Variants in PREX1 observed in about 807,000 individuals in gnomAD.
PREX1 encodes phosphatidylinositol-3,4,5-trisphosphate dependent Rac exchange factor 1, also known as phosphatidylinositol 3,4,5-trisphosphate-dependent Rac exchanger 1 protein.
In PREX1, 41 loss-of-function variants were observed where a neutral mutation model predicts 198.3. The ratio of observed to expected loss-of-function variants is 0.21; its 90% CI spans 0.16 to 0.27. PREX1 has a LOEUF of 0.27. PREX1 is among the 10% of genes least tolerant of loss of function. PREX1 has a pLI of 1.00. For missense variants in PREX1, 1,620 were observed against 2,200.7 expected (o/e 0.74, Z 5.28); for synonymous variants, 843 against 887.2 (o/e 0.95, Z 0.89).
chr20:48,714,565 A>T (rs1210327520), intron 5 of PREX1, among the ~76,000 whole-genome samples: 1 of 152,218 alleles, frequency 6.6e-6, no homozygotes, highest in East Asian at 1.9e-4. Context: ...ATGAGATACC[A>T]CTTCACATCT....
At chr20:48,880,206 A>C in the PREX1 span, among the ~76,000 whole-genome samples, 1 of 152,248 alleles carries the variant, frequency 6.6e-6, no homozygotes, top group Non-Finnish European at 1.5e-5. Flanking sequence ...CTCTAAGTCC[A>C]CAAAGGACTC....
At chr20:48,634,169 T>C (rs923106744) in intron 33 of PREX1, among the ~76,000 whole-genome samples, 6 of 72,102 alleles carry the variant, frequency 8.3e-5, no homozygotes, top group Non-Finnish European at 1.9e-4. Context: ...GATGGATGGA[T>C]GGATGCATGG....
At chr20:48,741,898 T>A (rs73911665) in intron 3 of PREX1, among the ~76,000 whole-genome samples, 2,410 of 152,268 alleles carry the variant, frequency 0.016, 58 homozygotes, top group African/African-American at 0.055. Context: ...TCCGTGTGGC[T>A]AGAGCCAGGG....
At chr20:48,791,939 G>T (rs2090340715) in intron 1 of PREX1, among the ~76,000 whole-genome samples, 2 of 152,222 alleles carry the variant, frequency 1.3e-5, no homozygotes, top group African/African-American at 4.8e-5. Flanking sequence ...TCCCGCACGG[G>T]GACTGCTGCC....
chr20:48,728,426 T>C (rs1175631739), intron 4 of PREX1, among the ~76,000 whole-genome samples: 1 of 152,250 alleles, frequency 6.6e-6, no homozygotes, highest in Non-Finnish European at 1.5e-5. Context: ...CTACTTCCAC[T>C]GCCTCTTAGG....
In PREX1 at chr20:48,805,197, T is replaced by C. The variant is rs555872849; in HGVS notation, c.219+22445A>G. Reference sequence around the variant, plus strand: ...GCAGCAGGACATCAACTCCTTGTTCTAGAACAGCTTGCTATGGACAATGGA... The same window carrying C: ...GCAGCAGGACATCAACTCCTTGTTCCAGAACAGCTTGCTATGGACAATGGA... On this transcript the variant is annotated intron_variant, in intron 1 of 39. Coordinates refer to ENST00000371941, the MANE Select transcript of PREX1 (RefSeq NM_020820.4). Among the ~76,000 whole-genome samples, 14 of 152,342 alleles carry C rather than the reference T, an allele frequency of 9.2e-5. No individual in the cohort carries two copies. In the South Asian group the frequency reaches 2.7e-3, roughly 29 times the overall value.
upstream of PREX1, among the ~76,000 whole-genome samples, chr20:48,829,753 G>A (rs1440881715): frequency 2.0e-5 from 3 of 152,134 alleles, no homozygotes; most frequent in African/African-American, 7.2e-5. Context: ...TACCACGAGG[G>A]GAGAACATGG....
intron 5 of PREX1, among the ~76,000 whole-genome samples, chr20:48,712,360 C>T (rs2089935781): frequency 6.6e-6 from 1 of 152,194 alleles, no homozygotes; most frequent in African/African-American, 2.4e-5. Context: ...ATTCTCCAGC[C>T]TGAGGCCCTG....
chr20:48,829,471 T>C (rs1223027192), upstream of PREX1, among the ~76,000 whole-genome samples: 3 of 152,170 alleles, frequency 2.0e-5, no homozygotes, highest in Non-Finnish European at 4.4e-5. Context: ...GCTTCTGCCC[T>C]CTCTGACTTC....
chr20:48,631,836 C>T (rs1222425604), intron 35 of PREX1, among the ~76,000 whole-genome samples: 1 of 152,100 alleles, frequency 6.6e-6, no homozygotes, highest in Admixed American at 6.5e-5. Context: ...CTCCTGCTCT[C>T]ACCCCTCCTC....
chr20:48,799,528 G>GT (rs1555846519), intron 1 of PREX1, among the ~76,000 whole-genome samples: 12 of 152,232 alleles, frequency 7.9e-5, no homozygotes, highest in Non-Finnish European at 1.5e-5. Context: ...TGCTAAAAGC[G>GT]TTAGCTGGTT....
At chr20:48,626,548 T>C (rs2089273966) in intron 39 of PREX1, among the ~76,000 whole-genome samples, 1 of 152,176 alleles carries the variant, frequency 6.6e-6, no homozygotes, top group Non-Finnish European at 1.5e-5. Context: ...GCTGTTTGGA[T>C]TAATGAGTCC....
In PREX1 at chr20:48,661,556, T is replaced by TACACAC. The variant is rs374276217; in HGVS notation, c.1739-1501_1739-1496dup. 1.3e-3 allele frequency among the ~76,000 whole-genome samples: 166 copies of TACACAC among 127,880 alleles called. 2 individuals are homozygous for TACACAC. The highest frequency in any genetic ancestry group is 4.7e-3 in the African/African-American group (159 of 34,030). 83.9% of individuals were successfully genotyped at this position (127,880 alleles called of 152,430 possible). On this transcript the variant is annotated intron_variant, in intron 15 of 39. Coordinates refer to ENST00000371941, the MANE Select transcript of PREX1 (RefSeq NM_020820.4). ...GTGTGTGTGTGTGTATATATATATA[T>TACACAC]ACACACACACACACACACTGACCCC...
At chr20:48,855,052 T>C in the PREX1 span, among the ~76,000 whole-genome samples, 2 of 152,156 alleles carry the variant, frequency 1.3e-5, no homozygotes, top group African/African-American at 2.4e-5. Flanking sequence ...CTTAAAGTCC[T>C]CCACACAAGA....
Position 48,627,950 on chromosome 20 carries a change from C to T in PREX1, c.4780G>A (p.Val1594Met), listed in dbSNP as rs1459378716. The T allele has an allele frequency of 1.0e-5, 16 of 1,605,194 alleles. No individual in the cohort carries two copies. The highest frequency in any genetic ancestry group is 2.0e-4 in the Middle Eastern group (1 of 5,028). ...AAGATGGCCGCCTGCTCCAGGGACACGCTCAGGGTGCTCCTGCAGCAGGGG... is the reference window on the plus strand; with the variant it reads ...AAGATGGCCGCCTGCTCCAGGGACATGCTCAGGGTGCTCCTGCAGCAGGGG... ...GTGMQRSTLS[V>M]SLEQAAILAR... The change falls in exon 38 of 40, where the codon GTG (valine) becomes ATG (methionine). Residue 1594 changes from valine to methionine, a missense_variant. Physicochemically the swap from Val to Met is conservative, Grantham distance 21. This residue lies in a region of PREX1 where 476 missense variants were observed against 603.4 expected (regional missense o/e 0.79). Coordinates refer to ENST00000371941, the MANE Select transcript of PREX1 (RefSeq NM_020820.4).
At position 48,666,601 on chromosome 20, in the gene PREX1, C is replaced by T. The variant is rs977412285; in HGVS notation, c.1666-246G>A. 1.3e-5 allele frequency among the ~76,000 whole-genome samples: 2 copies of T among 152,206 alleles called. No homozygotes were observed. Among genetic ancestry groups the T allele is most frequent in the African/African-American group, 4.8e-5 (2 of 41,448 alleles). ...AGTGCAGTGGCACGATCTCGGCTTA[C>T]TGCAAGCTCCACCTCCTGGGTTCAA... On this transcript the variant is annotated intron_variant, in intron 14 of 39. Coordinates refer to ENST00000371941, the MANE Select transcript of PREX1 (RefSeq NM_020820.4). This position sits in a 1 kb window ranked among gnomAD's most constrained non-coding sequence, Gnocchi z 4.3.
the PREX1 span, among the ~76,000 whole-genome samples, chr20:48,865,401 G>A: frequency 0.17 from 26,346 of 152,144 alleles, 2,349 homozygotes; most frequent in Non-Finnish European, 0.19. Flanking sequence ...AACCAGGTCC[G>A]TGCTTGCAAA....
the PREX1 span, among the ~76,000 whole-genome samples, chr20:48,879,613 A>G: frequency 6.6e-6 from 1 of 152,228 alleles, no homozygotes; most frequent in African/African-American, 2.4e-5. Context: ...ACCTCTGGGT[A>G]CATCTGTCAA....
chr20:48,745,291 A>G, intron 2 of PREX1, 144 bp from the exon 3 acceptor site: 1 of 841,562 alleles, frequency 1.2e-6, no homozygotes. Context: ...TACCACTAAT[A>G]GAAATCTTTG....
Sources: gnomAD v4.1 joint callset for allele counts (sites outside exome capture counted in the v4.1 genomes callset) on GRCh38, gnomAD v4.1.1 for gene constraint, gnomAD v4.1.1 regional missense constraint, Gnocchi (gnomAD v3.1) non-coding constraint, MANE v1.5 for transcripts, NCBI Gene and HGNC (gene_info 2026-07-23, HGNC 2026-07-21) for gene names.